RPS6KC1: variants seen among roughly 807,000 people sequenced by gnomAD.
RPS6KC1 encodes the protein inactive ribosomal protein S6 kinase delta-1.
In RPS6KC1, 54 loss-of-function variants were observed where a neutral mutation model predicts 103.8. That is an observed-to-expected ratio of 0.52 (90% CI 0.42 to 0.65). The LOEUF is 0.65. Ranked by LOEUF, RPS6KC1 falls within the 30% of genes least tolerant of loss-of-function variation. The probability of loss-of-function intolerance (pLI) is 0.00; values close to 1 mark genes in which losing one functional copy is unlikely to be tolerated. For missense variants in RPS6KC1, 1,151 were observed against 1,253.8 expected, an observed-to-expected ratio of 0.92 and a Z score of 1.24; for synonymous variants, 439 against 438.7, an observed-to-expected ratio of 1.00 and a Z score of -0.01.
chr1:213,608,134 T>C, the RPS6KC1 span, among the ~76,000 whole-genome samples: 8 of 152,178 alleles, frequency 5.3e-5, no homozygotes, highest in African/African-American at 1.9e-4. Flanking sequence ...GGTAGGTGTT[T>C]GGGTGAAGTA....
At chr1:213,100,269 A>T (rs575073530) in intron 3 of RPS6KC1, among the ~76,000 whole-genome samples, 19 of 144,384 alleles carry the variant, frequency 1.3e-4, no homozygotes, top group African/African-American at 5.2e-4. Context: ...TTTTTTTTTG[A>T]AGTATCTGTT....
chr1:213,324,892 TG>T, the RPS6KC1 span, among the ~76,000 whole-genome samples: 1 of 151,476 alleles, frequency 6.6e-6, no homozygotes, highest in Middle Eastern at 3.4e-3. Flanking sequence ...TGTGTACACA[TG>T]GGGGGCAGAT....
intron 1 of RPS6KC1, among the ~76,000 whole-genome samples, chr1:213,068,747 C>G (rs1375365433): frequency 6.6e-6 from 1 of 151,724 alleles, no homozygotes; most frequent in African/African-American, 2.4e-5. Flanking sequence ...TACAGTGGTT[C>G]TCACTTATAA....
chr1:213,516,636 AT>A, the RPS6KC1 span, among the ~76,000 whole-genome samples: 3 of 152,126 alleles, frequency 2.0e-5, no homozygotes, highest in Non-Finnish European at 4.4e-5. Flanking sequence ...GTTTGCCAGT[AT>A]TTTATGGAGG....
the RPS6KC1 span, among the ~76,000 whole-genome samples, chr1:213,575,988 G>T: frequency 6.6e-6 from 1 of 152,120 alleles, no homozygotes; most frequent in Non-Finnish European, 1.5e-5. Context: ...TAAAATGGGG[G>T]TTGTTTGACC....
chr1:213,588,760 T>C, the RPS6KC1 span, among the ~76,000 whole-genome samples: 1 of 152,148 alleles, frequency 6.6e-6, no homozygotes, highest in East Asian at 1.9e-4. Flanking sequence ...TTCTCTTTCT[T>C]CCAATGGAAA....
the RPS6KC1 span, among the ~76,000 whole-genome samples, chr1:213,579,930 T>C: frequency 6.6e-6 from 1 of 152,082 alleles, no homozygotes; most frequent in South Asian, 2.1e-4. Context: ...CCAAGAGCTC[T>C]GATGGAGATG....
At chr1:213,602,239 C>G in the RPS6KC1 span, among the ~76,000 whole-genome samples, 5 of 109,632 alleles carry the variant, frequency 4.6e-5, no homozygotes, top group Admixed American at 1.1e-4. Flanking sequence ...CTTCCTTCCT[C>G]TCTTTCTCTC....
At chr1:213,379,272 TAG>T in the RPS6KC1 span, among the ~76,000 whole-genome samples, 1 of 152,158 alleles carries the variant, frequency 6.6e-6, no homozygotes, top group African/African-American at 2.4e-5. Context: ...TATTTGGAAA[TAG>T]AGTCATTACA....
chr1:213,267,999 A>C (rs931112362), intron 14 of RPS6KC1, among the ~76,000 whole-genome samples: 4 of 151,924 alleles, frequency 2.6e-5, no homozygotes, highest in African/African-American at 9.7e-5. Flanking sequence ...AGAAAGGGAA[A>C]GGGACAGCAA....
At chr1:213,646,405 A>T in the RPS6KC1 span, among the ~76,000 whole-genome samples, 1 of 152,218 alleles carries the variant, frequency 6.6e-6, no homozygotes, top group Non-Finnish European at 1.5e-5. Flanking sequence ...CCTGGAGGCC[A>T]GTGGCCAATG....
At chr1:213,403,010 C>T in the RPS6KC1 span, among the ~76,000 whole-genome samples, 1 of 150,134 alleles carries the variant, frequency 6.7e-6, no homozygotes, top group African/African-American at 2.4e-5. Context: ...TGCCTGTAGT[C>T]CCAGCTACGA....
chr1:213,165,464 C>T (rs1415641972), intron 6 of RPS6KC1, among the ~76,000 whole-genome samples: 1 of 151,924 alleles, frequency 6.6e-6, no homozygotes, highest in African/African-American at 2.4e-5. Context: ...TGCACTGTCG[C>T]CCAGGCTGGA....
chr1:213,812,156 GAAAGA>G, the RPS6KC1 span, among the ~76,000 whole-genome samples: 1 of 152,014 alleles, frequency 6.6e-6, no homozygotes, highest in African/African-American at 2.4e-5. Context: ...AAGAAAAAAG[GAAAGA>G]AAAGAGGGAG....
At chr1:213,168,344 G>A (rs558023034) in intron 7 of RPS6KC1, among the ~76,000 whole-genome samples, 2 of 152,222 alleles carry the variant, frequency 1.3e-5, no homozygotes, top group South Asian at 4.1e-4. Flanking sequence ...TTCATTTTAA[G>A]CCTAAGTTAT....
At chr1:213,792,404 G>T in the RPS6KC1 span, among the ~76,000 whole-genome samples, 8 of 152,074 alleles carry the variant, frequency 5.3e-5, no homozygotes. Context: ...TCTCATCTCA[G>T]CTGGCCAGCT....
the RPS6KC1 span, among the ~76,000 whole-genome samples, chr1:213,406,604 C>G: frequency 1.3e-5 from 2 of 152,130 alleles, no homozygotes; most frequent in South Asian, 4.1e-4. Context: ...AATCACTTCC[C>G]TGACTTATCT....
chr1:213,635,315 A>G, the RPS6KC1 span, among the ~76,000 whole-genome samples: 1 of 152,192 alleles, frequency 6.6e-6, no homozygotes, highest in Non-Finnish European at 1.5e-5. Flanking sequence ...CAGAGACACA[A>G]CAAAAAAAGA....
chr1:213,061,483 GAGA>G (rs969867816), intron 1 of RPS6KC1, among the ~76,000 whole-genome samples: 51 of 152,136 alleles, frequency 3.4e-4, no homozygotes, highest in African/African-American at 1.2e-3. Flanking sequence ...AAGAGCGGGA[GAGA>G]AGAACTCAGG....
Sources: allele counts gnomAD v4.1 joint callset (sites outside exome capture counted in the v4.1 genomes callset), GRCh38; gene constraint gnomAD v4.1.1; transcripts MANE v1.5; gene names NCBI Gene and HGNC (gene_info 2026-07-23, HGNC 2026-07-21).